ZFAT: variants seen among roughly 807,000 people sequenced by gnomAD.
ZFAT encodes the protein zinc finger protein ZFAT.
Under a neutral mutation model 117.7 loss-of-function variants are expected in ZFAT, and 64 were observed. The ratio of observed to expected loss-of-function variants is 0.54; its 90% CI spans 0.44 to 0.67. The LOEUF is 0.67. ZFAT is among the 30% of genes least tolerant of loss of function. ZFAT has a pLI of 0.00. For missense variants in ZFAT, 1,433 were observed against 1,584.5 expected, an observed-to-expected ratio of 0.90 and a Z score of 1.62; for synonymous variants, 679 against 615.0, an observed-to-expected ratio of 1.10 and a Z score of -1.54.
At chr8:134,827,710 T>C in the ZFAT span, among the ~76,000 whole-genome samples, 7,308 of 150,768 alleles carry the variant, frequency 0.048, 264 homozygotes, top group Non-Finnish European at 0.069. Context: ...GGAGGTTGCA[T>C]TGAGCCAAAA....
intron 15 of ZFAT, among the ~76,000 whole-genome samples, chr8:134,492,926 C>T (rs1818156176): frequency 6.6e-6 from 1 of 152,178 alleles, no homozygotes; most frequent in African/African-American, 2.4e-5. Context: ...TTCCATACAT[C>T]AACGGAGATT....
intron 1 of ZFAT, 118 bp from the exon 2 acceptor site, chr8:134,657,855 AT>A: frequency 1.8e-6 from 2 of 1,123,284 alleles, no homozygotes; most frequent in Non-Finnish European, 2.5e-6. Flanking sequence ...CCTCTACCAG[AT>A]TGTGTCTCTC....
At chr8:134,557,836 A>G (rs1330781022) in intron 11 of ZFAT, among the ~76,000 whole-genome samples, 1 of 152,268 alleles carries the variant, frequency 6.6e-6, no homozygotes, top group Non-Finnish European at 1.5e-5. Context: ...ACACACAGGT[A>G]CATAATTCAC....
chr8:134,576,643 G>C (rs1256768738), intron 10 of ZFAT, among the ~76,000 whole-genome samples: 1 of 152,180 alleles, frequency 6.6e-6, no homozygotes, highest in Non-Finnish European at 1.5e-5. Context: ...CTTTATCCTA[G>C]AGTGGCTTTG....
intron 3 of ZFAT, among the ~76,000 whole-genome samples, chr8:134,618,936 C>T (rs1237576358): frequency 1.3e-5 from 2 of 152,176 alleles, no homozygotes; most frequent in Admixed American, 1.3e-4. Context: ...AAGAGACAAT[C>T]AGTTTAAAAC....
At chr8:134,499,331 G>C (rs963026321) in intron 15 of ZFAT, among the ~76,000 whole-genome samples, 2 of 145,348 alleles carry the variant, frequency 1.4e-5, no homozygotes, top group African/African-American at 5.2e-5. Flanking sequence ...GGTCGGGGTG[G>C]AGCTGGGATG....
chr8:134,538,796 CAAAAA>C (rs35209102), intron 11 of ZFAT, among the ~76,000 whole-genome samples: 2 of 105,096 alleles, frequency 1.9e-5, no homozygotes, highest in Non-Finnish European at 2.0e-5. Flanking sequence ...GACCCTGTCA[CAAAAA>C]AAAAAAAAAA....
At chr8:134,775,505 G>T in the ZFAT span, among the ~76,000 whole-genome samples, 2 of 152,160 alleles carry the variant, frequency 1.3e-5, no homozygotes, top group South Asian at 2.1e-4. Context: ...GAATTAACAA[G>T]GAGAGTACCC....
At chr8:134,762,440 T>G in the ZFAT span, among the ~76,000 whole-genome samples, 20 of 152,348 alleles carry the variant, frequency 1.3e-4, no homozygotes, top group African/African-American at 4.8e-4. Flanking sequence ...AGCCTACCTT[T>G]CAGGAGAATT....
chr8:134,579,618 T>C (rs1375954272), intron 10 of ZFAT, among the ~76,000 whole-genome samples: 1 of 152,094 alleles, frequency 6.6e-6, no homozygotes, highest in Non-Finnish European at 1.5e-5. Context: ...TCTATCTAAA[T>C]GGTGTTTAAA....
At chr8:134,812,720 A>G in the ZFAT span, among the ~76,000 whole-genome samples, 4 of 152,186 alleles carry the variant, frequency 2.6e-5, no homozygotes, top group Admixed American at 1.3e-4. Flanking sequence ...TGGGCAACAG[A>G]GCAAGACTCT....
intron 12 of ZFAT, among the ~76,000 whole-genome samples, chr8:134,529,291 C>CA (rs1821240348): frequency 6.6e-6 from 1 of 152,210 alleles, no homozygotes; most frequent in East Asian, 1.9e-4. Flanking sequence ...TAAAGCTTAG[C>CA]ACCAAAGTAT....
intron 11 of ZFAT, among the ~76,000 whole-genome samples, chr8:134,550,196 C>A (rs1172454722): frequency 1.3e-5 from 2 of 151,654 alleles, no homozygotes; most frequent in African/African-American, 4.8e-5. Flanking sequence ...CCGGGCACCA[C>A]CCATGCTGGG....
rs1324690593 is a variant in ZFAT at position 134,509,610 on chromosome 8, G to A, written c.3492+9C>T. On this transcript the variant is annotated intron_variant, in intron 15 of 15. Coordinates refer to ENST00000377838, the MANE Select transcript of ZFAT (RefSeq NM_020863.4). ...CAGAGATGAATAGTTACAGAAGGAGGGTCCCTACCTGCTTAACCACAGTCA... is the reference window on the plus strand; with the variant it reads ...CAGAGATGAATAGTTACAGAAGGAGAGTCCCTACCTGCTTAACCACAGTCA... 2 of 1,613,146 alleles carry A rather than the reference G, an allele frequency of 1.2e-6. No homozygotes were observed. Among genetic ancestry groups the A allele is most frequent in the African/African-American group, 1.3e-5 (1 of 74,950 alleles).
chr8:134,638,754 G>A (rs1830410670), intron 2 of ZFAT, among the ~76,000 whole-genome samples: 1 of 151,508 alleles, frequency 6.6e-6, no homozygotes, highest in Non-Finnish European at 1.5e-5. Context: ...AGATGGGTGA[G>A]CAGGGCAGGG....
the ZFAT span, among the ~76,000 whole-genome samples, chr8:134,803,553 G>A: frequency 1.3e-5 from 2 of 152,316 alleles, no homozygotes; most frequent in South Asian, 2.1e-4. Flanking sequence ...TGAGTCTGAA[G>A]CAACTGACCC....
chr8:134,663,746 G>A (rs1042461091), intron 1 of ZFAT, among the ~76,000 whole-genome samples: 1 of 152,054 alleles, frequency 6.6e-6, no homozygotes, highest in African/African-American at 2.4e-5. Flanking sequence ...TTAAAATAGT[G>A]ATAAAAATCA....
At chr8:134,636,630 C>CA (rs1830226708) in intron 3 of ZFAT, among the ~76,000 whole-genome samples, 1 of 152,170 alleles carries the variant, frequency 6.6e-6, no homozygotes, top group African/African-American at 2.4e-5. Context: ...TAGCACAATA[C>CA]AAAACAGAAA....
At chr8:134,763,406 A>G in the ZFAT span, among the ~76,000 whole-genome samples, 2 of 152,056 alleles carry the variant, frequency 1.3e-5, 1 homozygote, top group Admixed American at 1.3e-4. Flanking sequence ...CTTCCTCCAG[A>G]CTTTAGAATG....
Sources: gnomAD v4.1 joint callset for allele counts (sites outside exome capture counted in the v4.1 genomes callset) on GRCh38, gnomAD v4.1.1 for gene constraint, MANE v1.5 for transcripts, NCBI Gene and HGNC (gene_info 2026-07-23, HGNC 2026-07-21) for gene names.